The following UPRT variants were observed in gnomAD, a reference collection of about 807,000 sequenced individuals.
The protein encoded by UPRT is RP11-311P8.3.
In UPRT, 5 loss-of-function variants were observed where a neutral mutation model predicts 22.6. That is an observed-to-expected ratio of 0.22 (90% confidence interval 0.12 to 0.47). The LOEUF is 0.47. UPRT is among the 20% of genes least tolerant of loss of function. UPRT has a pLI of 0.99. For missense variants in UPRT, 181 were observed against 239.9 expected (o/e 0.75, Z 1.62); for synonymous variants, 77 against 87.7 (o/e 0.88, Z 0.68).
intron 4 of UPRT, among the ~76,000 whole-genome samples, chrX:75,243,075 C>G (rs1243371465): frequency 9.0e-6 from 1 of 110,704 alleles, no homozygotes; most frequent in African/African-American, 3.3e-5. Flanking sequence ...TGGTTTTGTG[C>G]CTTCATCAAA....
intron 4 of UPRT, among the ~76,000 whole-genome samples, chrX:75,203,374 A>T (rs192993246): frequency 9.0e-6 from 1 of 110,658 alleles, no homozygotes; most frequent in African/African-American, 3.3e-5. Context: ...CATTGTCAAT[A>T]TTAGACAGAT....
chrX:75,201,065 C>G (rs1163183591), intron 4 of UPRT, among the ~76,000 whole-genome samples: 1 of 112,492 alleles, frequency 8.9e-6, no homozygotes, highest in Non-Finnish European at 1.9e-5. Flanking sequence ...ACAAGATCCT[C>G]CACTTATCCT....
At chrX:75,212,860 T>C (rs2082383613) in intron 4 of UPRT, among the ~76,000 whole-genome samples, 1 of 111,932 alleles carries the variant, frequency 8.9e-6, no homozygotes, top group African/African-American at 3.3e-5. Context: ...GGTGATGGGT[T>C]GTTAGGTGCA....
intron 4 of UPRT, among the ~76,000 whole-genome samples, chrX:75,264,235 A>C (rs1458155929): frequency 1.8e-5 from 2 of 111,749 alleles, no homozygotes; most frequent in African/African-American, 6.5e-5. Flanking sequence ...GATGTCTATT[A>C]GGTCCACTTG....
At chrX:75,283,152 C>T (rs779367326) in intron 1 of UPRT, among the ~76,000 whole-genome samples, 40 of 111,778 alleles carry the variant, frequency 3.6e-4, no homozygotes, top group Non-Finnish European at 5.6e-4. Context: ...CTTTACCTTA[C>T]GTTTGTGTGA....
chrX:75,163,207 C>T (rs945090226), exon 3 of UPRT, among the ~76,000 whole-genome samples: 1 of 111,555 alleles, frequency 9.0e-6, no homozygotes, highest in Non-Finnish European at 1.9e-5. Context: ...AGATCCTTGC[C>T]ACGTGACCCC....
chrX:75,192,079 T>A (rs184294030), intron 4 of UPRT, among the ~76,000 whole-genome samples: 2 of 111,941 alleles, frequency 1.8e-5, no homozygotes, highest in Admixed American at 1.9e-4. Flanking sequence ...ACTGGGGTTG[T>A]TCCTATTCGG....
chrX:75,164,219 G>T (rs1324628995), intron 3 of UPRT, among the ~76,000 whole-genome samples: 2 of 111,532 alleles, frequency 1.8e-5, no homozygotes, highest in Non-Finnish European at 3.8e-5. Flanking sequence ...TTGAGGTTGT[G>T]AGTTTGATCT....
chrX:75,225,892 T>C (rs370327453), intron 4 of UPRT, among the ~76,000 whole-genome samples: 1 of 111,366 alleles, frequency 9.0e-6, no homozygotes, highest in Admixed American at 9.6e-5. Flanking sequence ...CCCCTAAACT[T>C]GAGTTAAATA....
intron 4 of UPRT, among the ~76,000 whole-genome samples, chrX:75,205,243 G>A (rs2082361174): frequency 9.2e-6 from 1 of 109,055 alleles, no homozygotes; most frequent in African/African-American, 3.3e-5. Flanking sequence ...GGTGGCGGGC[G>A]CCTGTAGTCC....
chrX:75,279,341 CA>C (rs2082643937), intron 1 of UPRT, among the ~76,000 whole-genome samples: 1 of 111,037 alleles, frequency 9.0e-6, no homozygotes, highest in South Asian at 3.9e-4. Context: ...AAAACATGGA[CA>C]TATTTTCGGT....
intron 4 of UPRT, among the ~76,000 whole-genome samples, chrX:75,255,905 C>A (rs1346580715): frequency 9.0e-6 from 1 of 111,505 alleles, no homozygotes; most frequent in Non-Finnish European, 1.9e-5. Flanking sequence ...ACAGCAAACA[C>A]AATAATAGTG....
At chrX:75,234,327 A>G (rs768416714) in intron 4 of UPRT, among the ~76,000 whole-genome samples, 2 of 111,181 alleles carry the variant, frequency 1.8e-5, no homozygotes, top group Admixed American at 9.6e-5. Flanking sequence ...ACTCCCACAC[A>G]TTAATAATGG....
intron 4 of UPRT, among the ~76,000 whole-genome samples, chrX:75,168,562 CTT>C (rs1340226807): frequency 1.8e-5 from 2 of 110,777 alleles, no homozygotes; most frequent in Non-Finnish European, 3.8e-5. Flanking sequence ...GAGTTTCGCT[CTT>C]TGTTGCCCAG....
chrX:75,301,911 C>A (rs1179565686), intron 6 of UPRT, among the ~76,000 whole-genome samples: 1 of 112,091 alleles, frequency 8.9e-6, no homozygotes, highest in African/African-American at 3.2e-5. Flanking sequence ...AAAATGCATA[C>A]ACAATATTAA....
chrX:75,238,894 T>TA (rs767482406), intron 4 of UPRT, among the ~76,000 whole-genome samples: 203 of 111,525 alleles, frequency 1.8e-3, no homozygotes, highest in African/African-American at 6.0e-3. Context: ...AGATGGAAAT[T>TA]AAAAAATCAT....
intron 1 of UPRT, among the ~76,000 whole-genome samples, chrX:75,160,343 T>G (rs1200773417): frequency 1.8e-5 from 2 of 111,320 alleles, no homozygotes; most frequent in Non-Finnish European, 3.8e-5. Flanking sequence ...GTGTTTGGAG[T>G]CTGTAGGGTA....
intron 4 of UPRT, among the ~76,000 whole-genome samples, chrX:75,246,868 T>C (rs770733822): frequency 4.5e-5 from 5 of 112,152 alleles, no homozygotes; most frequent in South Asian, 7.4e-4. Context: ...GATGAGCATT[T>C]TTTCATGTGT....
At chrX:75,216,984 G>A (rs1199987579) in intron 4 of UPRT, among the ~76,000 whole-genome samples, 1 of 111,705 alleles carries the variant, frequency 9.0e-6, no homozygotes, top group Admixed American at 9.5e-5. Context: ...TCGATCTCCT[G>A]ACCTCATGAT....
Sources: gnomAD v4.1 joint callset for allele counts (sites outside exome capture counted in the v4.1 genomes callset) on GRCh38, gnomAD v4.1.1 for gene constraint, MANE v1.5 for transcripts, NCBI Gene and HGNC (gene_info 2026-07-23, HGNC 2026-07-21) for gene names.